The following LAMC3 variants were observed in gnomAD, a reference collection of about 807,000 sequenced individuals.
LAMC3 encodes the protein laminin subunit gamma 3.
A neutral mutation model predicts 173.8 loss-of-function variants in LAMC3; 128 were observed. That is an observed-to-expected ratio of 0.74 (90% CI 0.64 to 0.85). The LOEUF (loss-of-function observed/expected upper bound fraction) is 0.85. LAMC3 is among the 40% of genes least tolerant of loss of function. The probability of loss-of-function intolerance (pLI) is 0.00; values close to 1 mark genes in which losing one functional copy is unlikely to be tolerated. For missense variants in LAMC3, 2,022 were observed against 2,156.0 expected, an observed-to-expected ratio of 0.94 and a Z score of 1.23; for synonymous variants, 897 against 909.1, an observed-to-expected ratio of 0.99 and a Z score of 0.24.
chr9:131,033,681 G>A (rs762096390), intron 3 of LAMC3, among the ~76,000 whole-genome samples: 1 of 152,144 alleles, frequency 6.6e-6, no homozygotes, highest in Non-Finnish European at 1.5e-5. Flanking sequence ...GGAGGAGAGA[G>A]GAAGTCGAAT....
intron 4 of LAMC3, among the ~76,000 whole-genome samples, chr9:131,038,256 C>G (rs1002562892): frequency 5.3e-5 from 8 of 152,202 alleles, no homozygotes; most frequent in African/African-American, 1.7e-4. Flanking sequence ...TCTCCTGTCT[C>G]AGCCCTGCAC....
At chr9:131,033,820 G>A (rs777258019) in intron 3 of LAMC3, among the ~76,000 whole-genome samples, 3 of 152,064 alleles carry the variant, frequency 2.0e-5, no homozygotes, top group East Asian at 1.9e-4. Flanking sequence ...AGTGGGGAGC[G>A]GGGATGACAC....
At chr9:131,060,051 T>C (rs1829777396) in intron 12 of LAMC3, among the ~76,000 whole-genome samples, 1 of 152,178 alleles carries the variant, frequency 6.6e-6, no homozygotes, top group Non-Finnish European at 1.5e-5. Context: ...CCCCAGGCTC[T>C]GAGCAGATGC....
intron 10 of LAMC3, 71 bp from the exon 11 acceptor site, chr9:131,052,779 A>AG: frequency 6.3e-6 from 8 of 1,261,864 alleles, no homozygotes; most frequent in Middle Eastern, 1.9e-4. Flanking sequence ...CTGGGGGGCT[A>AG]CCCCCCATCC....
intron 2 of LAMC3, among the ~76,000 whole-genome samples, chr9:131,028,316 A>G (rs1833764876): frequency 1.3e-5 from 2 of 152,108 alleles, no homozygotes; most frequent in Non-Finnish European, 2.9e-5. Flanking sequence ...AGGTTGGAGT[A>G]CCGCTGCTCT....
chr9:131,069,760 A>G lies in LAMC3; in HGVS notation c.2979A>G (p.Lys993=). The stretch of plus-strand genomic sequence containing the variant: ...GCAGGCCTGGCTTCGAGGGCTACAA[A>G]TGTGACCGCTGCCACGACAACTTCT... The part of the protein sequence containing the change: ...CVCRPGFEGY[K]CDRCHDNFFL... The change falls in exon 17 of 28, where the codon AAA becomes AAG. Residue 993 remains lysine (K), a synonymous_variant. Coordinates refer to ENST00000361069, the MANE Select transcript of LAMC3 (RefSeq NM_006059.4). 1 of 1,598,178 alleles carries G rather than the reference A, an allele frequency of 6.3e-7. No individual in the cohort carries two copies. Among genetic ancestry groups the G allele is most frequent in the Non-Finnish European group, 8.5e-7 (1 of 1,172,934 alleles).
At chr9:131,034,754 G>GGGACA (rs1248387840) in intron 3 of LAMC3, among the ~76,000 whole-genome samples, 6 of 152,182 alleles carry the variant, frequency 3.9e-5, no homozygotes, top group Admixed American at 6.5e-5. Context: ...GACAGTGGTC[G>GGGACA]GGACAGGGAC....
intron 13 of LAMC3, among the ~76,000 whole-genome samples, chr9:131,065,474 G>A (rs914066870): frequency 6.6e-6 from 1 of 152,190 alleles, no homozygotes; most frequent in African/African-American, 2.4e-5. Context: ...AGCTAAGAGG[G>A]GGATGAGGAA....
At position 131,052,657 on chromosome 9, in the gene LAMC3, T is replaced by C. The variant is rs760996687; in HGVS notation, c.1797T>C (p.His599=). The part of the protein sequence containing the change: ...SSLSGPQDAG[H]PREVELRFHL... ...TGTCTGGCCCCCAGGATGCCGGGCA[T>C]CCCAGGGAGGTAGAGCTCAGGTTCC... Residue 599 remains histidine, a synonymous_variant, in exon 10 of 28, where the codon CAT becomes CAC. Transcript: ENST00000361069. 4.3e-6 allele frequency: 7 copies of C among 1,613,628 alleles called. No individual in the cohort carries two copies. The African/African-American group carries it at 9.3e-5, about 22-fold the overall frequency.
Position 131,026,150 on chromosome 9 carries a change from C to T in LAMC3, c.374-135C>T, listed in dbSNP as rs550246293. On this transcript the variant is annotated intron_variant, in intron 1 of 27. Coordinates refer to ENST00000361069, the MANE Select transcript of LAMC3 (RefSeq NM_006059.4). The surrounding 1 kb of genome is among the most constrained non-coding windows in gnomAD (Gnocchi z 4.8). ...GCATCATGAATGGAGGGTGGCTTCC[C>T]CTGTCCAGAGCTCCAGACAGCTTCC... 2.7e-4 allele frequency: 405 copies of T among 1,525,544 alleles called. No homozygotes were observed. The highest frequency in any genetic ancestry group is 3.3e-4 in the Non-Finnish European group (375 of 1,131,440). The allele number at this position is 1,525,544 out of a possible 1,614,324, so 94.5% of individuals were successfully genotyped here. A position where few individuals can be genotyped will look rare whatever the true frequency, so the allele number is the denominator to read the frequency against.
intron 22 of LAMC3, among the ~76,000 whole-genome samples, chr9:131,078,248 T>C (rs1830170293): frequency 6.6e-6 from 1 of 151,964 alleles, no homozygotes; most frequent in Admixed American, 6.6e-5. Context: ...TCCTAGCACT[T>C]TGGGAGGCTG....
chr9:131,047,308 G>A (rs1157698305), intron 8 of LAMC3, among the ~76,000 whole-genome samples: 3 of 150,182 alleles, frequency 2.0e-5, no homozygotes, highest in Non-Finnish European at 3.0e-5. Flanking sequence ...GGGACTGCAG[G>A]CACCCACCAC....
chr9:131,062,522 T>C (rs1047525859), intron 13 of LAMC3, among the ~76,000 whole-genome samples: 3 of 152,158 alleles, frequency 2.0e-5, no homozygotes, highest in Non-Finnish European at 2.9e-5. Context: ...CAGCTGTCAC[T>C]CATCCATCTC....
chr9:131,034,764 C>T (rs1833910634), intron 3 of LAMC3, among the ~76,000 whole-genome samples: 1 of 152,212 alleles, frequency 6.6e-6, no homozygotes, highest in African/African-American at 2.4e-5. Context: ...GGGACAGGGA[C>T]AATCACTCAC....
chr9:131,048,257 A>T (rs951479853), intron 8 of LAMC3, among the ~76,000 whole-genome samples: 2 of 151,890 alleles, frequency 1.3e-5, no homozygotes, highest in African/African-American at 4.8e-5. Context: ...GGGTTTCGCC[A>T]TGTTGGCCAG....
chr9:131,068,083 A>C lies in LAMC3; in HGVS notation c.2599A>C (p.Ser867Arg). The part of the protein sequence containing the change: ...PRPADKCMPC[S>R]CHPQGSVSEQ... ...CTTCCTGCTCCTGCCCCCAGCTTGCAGCTGTCACCCACAGGGCTCGGTCAG... is the reference window on the plus strand; with the variant it reads ...CTTCCTGCTCCTGCCCCCAGCTTGCCGCTGTCACCCACAGGGCTCGGTCAG... The change falls in exon 15 of 28, where the codon AGC (serine) becomes CGC (arginine). Residue 867 changes from serine (S) to arginine (R), a missense_variant. Coordinates refer to ENST00000361069, the MANE Select transcript of LAMC3 (RefSeq NM_006059.4). 1 of 1,610,976 alleles carries C rather than the reference A, an allele frequency of 6.2e-7. No homozygotes were observed. Among genetic ancestry groups the C allele is most frequent in the Admixed American group, 1.7e-5 (1 of 60,016 alleles).
intron 3 of LAMC3, among the ~76,000 whole-genome samples, chr9:131,032,539 T>C (rs1833849812): frequency 7.9e-6 from 1 of 126,668 alleles, no homozygotes. Context: ...TCGCTGTCTC[T>C]CTCTCTTGCT....
rs950457138 is a variant in LAMC3 at position 131,094,216 on chromosome 9, A to G, written c.*2429A>G. The G allele has an allele frequency of 6.6e-6, 1 of 152,080 alleles. No homozygotes were observed. Among genetic ancestry groups the G allele is most frequent in the Non-Finnish European group, 1.5e-5 (1 of 68,038 alleles). 9.4% of individuals were successfully genotyped at this position (152,080 alleles called of 1,614,324 possible). On this transcript the variant is annotated 3_prime_UTR_variant, in exon 28 of 28. Coordinates refer to ENST00000361069, the MANE Select transcript of LAMC3 (RefSeq NM_006059.4). ...TCCCCCATAATGGCCCCAGGTGTAC[A>G]TGTCATCAGGTCCAGTGCTTGCAAG...
chr9:131,026,149 C>T lies in LAMC3; in HGVS notation c.374-136C>T, dbSNP rs932811186. On this transcript the variant is annotated intron_variant, in intron 1 of 27. Transcript: ENST00000361069. The surrounding 1 kb of genome is among the most constrained non-coding windows in gnomAD (Gnocchi z 4.8). ...GGCATCATGAATGGAGGGTGGCTTC[C>T]CCTGTCCAGAGCTCCAGACAGCTTC... 1.3e-6 allele frequency: 2 copies of T among 1,524,422 alleles called. No homozygotes were observed. The highest frequency in any genetic ancestry group is 2.0e-5 in the Admixed American group (1 of 50,164). The allele number at this position is 1,524,422 out of a possible 1,614,324, so 94.4% of individuals were successfully genotyped here. A position where few individuals can be genotyped will look rare whatever the true frequency, so the allele number is the denominator to read the frequency against.
Sources: allele counts gnomAD v4.1 joint callset (sites outside exome capture counted in the v4.1 genomes callset), GRCh38; gene constraint gnomAD v4.1.1; non-coding constraint Gnocchi (gnomAD v3.1); transcripts MANE v1.5; gene names NCBI Gene and HGNC (gene_info 2026-07-23, HGNC 2026-07-21).